The following FNDC3B variants were observed in gnomAD, a reference collection of about 807,000 sequenced individuals.
FNDC3B encodes fibronectin type III domain-containing protein 3B.
Under a neutral mutation model 151.5 loss-of-function variants are expected in FNDC3B, and 12 were observed. The ratio of observed to expected loss-of-function variants is 0.08; its 90% CI spans 0.05 to 0.13. The LOEUF is 0.13. Among genes scored for constraint, FNDC3B ranks in the 10% least tolerant of loss-of-function variants. The pLI is 1.00. For missense variants in FNDC3B, 1,214 were observed against 1,505.3 expected (o/e 0.81, Z 3.20); for synonymous variants, 528 against 549.0 (o/e 0.96, Z 0.54).
chr3:172,043,000 CG>C (rs1320636965), intron 1 of FNDC3B, among the ~76,000 whole-genome samples: 51 of 152,056 alleles, frequency 3.4e-4, no homozygotes, highest in African/African-American at 1.2e-3. Flanking sequence ...CTGCAACCTC[CG>C]CCTCCCGGAT....
In FNDC3B at chr3:172,376,296, G is replaced by C. The variant is rs183355605; in HGVS notation, c.3009-1974G>C. Among the ~76,000 whole-genome samples, 211 of 152,272 alleles carry C rather than the reference G, an allele frequency of 1.4e-3. 2 individuals are homozygous for C. The highest frequency in any genetic ancestry group is 1.6e-3 in the Non-Finnish European group (109 of 68,016). On this transcript the variant is annotated intron_variant, in intron 23 of 25. Transcript: ENST00000415807. ...CTTCAGTAAATTTCTTTGTGACTGT[G>C]AGTGCTATTGCTTATATTATAATTG...
intron 5 of FNDC3B, among the ~76,000 whole-genome samples, chr3:172,249,078 A>G (rs1417834361): frequency 1.3e-5 from 2 of 151,284 alleles, no homozygotes; most frequent in Non-Finnish European, 2.9e-5. Context: ...ACATTTGGAT[A>G]AAAACTGAAA....
intron 2 of FNDC3B, among the ~76,000 whole-genome samples, chr3:172,116,443 G>C (rs77739057): frequency 2.0e-5 from 3 of 151,956 alleles, no homozygotes; most frequent in Non-Finnish European, 4.4e-5. Context: ...CCTTCCCCCC[G>C]TCCTAGGTAA....
chr3:172,225,392 C>T, intron 3 of FNDC3B: 3 of 201,444 alleles, frequency 1.5e-5, no homozygotes, highest in Non-Finnish European at 3.2e-5. Flanking sequence ...AGGCTGGTCT[C>T]AAACTCCTGG....
At chr3:172,334,722 G>A (rs1315248825) in intron 14 of FNDC3B, among the ~76,000 whole-genome samples, 2 of 152,190 alleles carry the variant, frequency 1.3e-5, no homozygotes, top group Non-Finnish European at 2.9e-5. Context: ...GATTACAGGC[G>A]TGAGCCACTG....
intron 1 of FNDC3B, among the ~76,000 whole-genome samples, chr3:172,067,230 T>C (rs1717544185): frequency 6.6e-6 from 1 of 152,242 alleles, no homozygotes. Flanking sequence ...ACAGCAGTGG[T>C]ATTTTTCTGT....
chr3:172,169,808 T>TATTCCC (rs1257951047), intron 3 of FNDC3B, among the ~76,000 whole-genome samples: 1 of 152,264 alleles, frequency 6.6e-6, no homozygotes, highest in Non-Finnish European at 1.5e-5. Flanking sequence ...TGACTGTTCC[T>TATTCCC]ATTCCCATTT....
intron 11 of FNDC3B, among the ~76,000 whole-genome samples, chr3:172,311,111 C>T (rs925052284): frequency 1.3e-5 from 2 of 152,032 alleles, no homozygotes; most frequent in Admixed American, 1.3e-4. Context: ...AGCACTACTG[C>T]TGAAAGAAAA....
chr3:172,351,184 G>A (rs1733834410), intron 21 of FNDC3B, among the ~76,000 whole-genome samples: 1 of 152,206 alleles, frequency 6.6e-6, no homozygotes, highest in Non-Finnish European at 1.5e-5. Flanking sequence ...TAGGAAATGT[G>A]GAAGACCACA....
intron 1 of FNDC3B, 111 bp from the exon 2 acceptor site, chr3:172,112,341 A>C (rs1346478733): frequency 3.0e-6 from 2 of 677,582 alleles, no homozygotes; most frequent in African/African-American, 1.8e-5. Context: ...CTCTCAAATT[A>C]GAATAACTTG....
intron 5 of FNDC3B, among the ~76,000 whole-genome samples, chr3:172,250,620 G>A (rs1728013761): frequency 6.6e-6 from 1 of 152,076 alleles, no homozygotes; most frequent in Non-Finnish European, 1.5e-5. Flanking sequence ...AAAACATATT[G>A]AAAGGTAAAA....
intron 5 of FNDC3B, among the ~76,000 whole-genome samples, chr3:172,249,908 C>G (rs774703119): frequency 1.3e-5 from 2 of 152,136 alleles, no homozygotes; most frequent in Non-Finnish European, 2.9e-5. Context: ...GCAGGGTAAC[C>G]ATACATTTCT....
Position 172,307,373 on chromosome 3 carries a change from A to G in FNDC3B, c.1072A>G (p.Met358Val). The G allele has an allele frequency of 1.2e-6, 2 of 1,614,108 alleles. No individual in the cohort carries two copies. Among genetic ancestry groups the G allele is most frequent in the Middle Eastern group, 1.6e-4 (1 of 6,062 alleles). ...ATDYHVRVYA[M>V]YNSVKGSCSE... ...CTGTTTTGTTTTCAGGGTGTATGCC[A>G]TGTACAATTCCGTAAAGGGATCCTG... Residue 358 changes from methionine to valine, a missense_variant, in exon 10 of 26, where the codon ATG (methionine) becomes GTG (valine). Transcript: ENST00000415807.
chr3:172,270,556 C>T (rs1260436599), intron 6 of FNDC3B, among the ~76,000 whole-genome samples: 3 of 152,200 alleles, frequency 2.0e-5, no homozygotes, highest in African/African-American at 7.2e-5. Flanking sequence ...CCTGGCATAG[C>T]CCAAATGCTT....
intron 2 of FNDC3B, among the ~76,000 whole-genome samples, chr3:172,130,693 T>G (rs775772414): frequency 2.4e-4 from 37 of 152,304 alleles, no homozygotes; most frequent in South Asian, 6.2e-4. Context: ...CAGAAATCCG[T>G]TTTCTTGCCT....
At chr3:172,055,461 G>C (rs1716868095) in intron 1 of FNDC3B, among the ~76,000 whole-genome samples, 1 of 152,092 alleles carries the variant, frequency 6.6e-6, no homozygotes, top group Non-Finnish European at 1.5e-5. Context: ...CAGGGAAACA[G>C]TGTCACTTCC....
At chr3:172,298,653 C>A in intron 8 of FNDC3B, 75 bp from the exon 9 acceptor site, 1 of 922,630 alleles carries the variant, frequency 1.1e-6, no homozygotes, top group Non-Finnish European at 1.7e-6. Context: ...CAGTACATTA[C>A]TGGACACCCA....
rs1458921422 is a variant in FNDC3B at position 172,399,244 on chromosome 3, A to T, written c.*1769A>T. The stretch of plus-strand genomic sequence containing the variant: ...ATTTTTTAAGTGTACTTATGTACTA[A>T]TTTTCCCTTGTAGCATGTTATATTT... On this transcript the variant is annotated 3_prime_UTR_variant, in exon 26 of 26. Transcript: ENST00000415807. 3 of 152,442 alleles carry T rather than the reference A, an allele frequency of 2.0e-5. No homozygotes were observed. 9.4% of individuals were successfully genotyped at this position (152,442 alleles called of 1,614,324 possible).
intron 4 of FNDC3B, among the ~76,000 whole-genome samples, chr3:172,236,389 CAGCT>C (rs1243432886): frequency 6.6e-6 from 1 of 152,164 alleles, no homozygotes; most frequent in Non-Finnish European, 1.5e-5. Flanking sequence ...GAAGATTCCT[CAGCT>C]AGAATTTAGG....
Sources: allele counts gnomAD v4.1 joint callset (sites outside exome capture counted in the v4.1 genomes callset), GRCh38; gene constraint gnomAD v4.1.1; transcripts MANE v1.5; gene names NCBI Gene and HGNC (gene_info 2026-07-23, HGNC 2026-07-21).